The following KLHL21 variants were observed in gnomAD, a reference collection of about 807,000 sequenced individuals.
The protein encoded by KLHL21 is kelch-like protein 21.
Under a neutral mutation model 44.1 loss-of-function variants are expected in KLHL21, and 42 were observed. That is an observed-to-expected ratio of 0.95 (90% CI 0.74 to 1.23). KLHL21 has a LOEUF of 1.23. KLHL21 is among the 50% of genes most tolerant of loss of function. KLHL21 has a pLI of 0.00. For missense variants in KLHL21, 918 were observed against 889.1 expected (o/e 1.03, Z -0.41); for synonymous variants, 524 against 411.6 (o/e 1.27, Z -3.31).
intron 3 of KLHL21, chr1:6,593,934 C>T (rs980641854): frequency 2.3e-5 from 29 of 1,237,120 alleles, no homozygotes; most frequent in Admixed American, 7.5e-5. Flanking sequence ...GCGCTTCCTA[C>T]GTTCTCTCTC....
At chr1:6,596,945 G>A (rs574639475) in intron 2 of KLHL21, among the ~76,000 whole-genome samples, 2 of 152,352 alleles carry the variant, frequency 1.3e-5, no homozygotes, top group South Asian at 2.1e-4. Flanking sequence ...GTGGTGTTCT[G>A]GGCAGAGGGT....
intron 2 of KLHL21, among the ~76,000 whole-genome samples, chr1:6,597,936 G>A (rs562914425): frequency 1.3e-5 from 2 of 152,328 alleles, no homozygotes; most frequent in Admixed American, 6.5e-5. Flanking sequence ...CCAGCCGGAG[G>A]CAGCATTTGG....
intron 2 of KLHL21, among the ~76,000 whole-genome samples, chr1:6,597,975 C>A (rs1183045011): frequency 6.6e-6 from 1 of 152,262 alleles, no homozygotes; most frequent in East Asian, 1.9e-4. Flanking sequence ...TCAAGGCCAG[C>A]AGACATATGA....
chr1:6,593,963 C>T lies in KLHL21; in HGVS notation c.1501-305G>A, dbSNP rs1036995152. 17 of 1,184,070 alleles carry T rather than the reference C, an allele frequency of 1.4e-5. No homozygotes were observed. In the African/African-American group the frequency reaches 2.2e-4, roughly 15 times the overall value. The allele number at this position is 1,184,070 out of a possible 1,614,324, so 73.3% of individuals were successfully genotyped here. A position where few individuals can be genotyped will look rare whatever the true frequency, so the allele number is the denominator to read the frequency against. On this transcript the variant is annotated intron_variant, in intron 3 of 3. Transcript: ENST00000377658. ...CTCTCTCAGAATCTCTGCAGTGGCC[C>T]TCTGGGCTGAGCAGTGCTGTTCTCC...
rs1423422548 is a variant in KLHL21, at chr1:6,601,849, G to C, written c.969C>G (p.His323Gln). The part of the protein sequence containing the change: ...QWRYLAEFPD[H>Q]LGGGYSIVAL... Reference sequence around the variant, plus strand: ...CCACGATGCTGTAGCCTCCGCCCAGGTGGTCTGGGAACTCGGCCAGGTAGC... The same window carrying C: ...CCACGATGCTGTAGCCTCCGCCCAGCTGGTCTGGGAACTCGGCCAGGTAGC... The change falls in exon 1 of 4, where the codon CAC (histidine) becomes CAG (glutamine). Residue 323 changes from histidine (H) to glutamine (Q), a missense_variant. By Grantham distance (24) the His-to-Gln change is conservative. Transcript: ENST00000377658. The C allele has an allele frequency of 3.2e-6, 5 of 1,583,402 alleles. No homozygotes were observed. The highest frequency in any genetic ancestry group is 4.3e-6 in the Non-Finnish European group (5 of 1,165,788).
rs1007521262 is a variant in KLHL21 at position 6,590,865 on chromosome 1, A to G, written c.*2500T>C. On this transcript the variant is annotated 3_prime_UTR_variant, in exon 4 of 4. Transcript: ENST00000377658. ...CCTCTGGGGTGAACTGGATGTGGAC[A>G]CTGGAGGGAGGGCGTCCTTTATTAC... 3.8e-5 allele frequency: 15 copies of G among 398,462 alleles called. No individual in the cohort carries two copies. Among genetic ancestry groups the G allele is most frequent in the African/African-American group, 2.5e-4 (12 of 48,644 alleles). The allele number at this position is 398,462 out of a possible 1,614,324, so 24.7% of individuals were successfully genotyped here. A position where few individuals can be genotyped will look rare whatever the true frequency, so the allele number is the denominator to read the frequency against.
intron 2 of KLHL21, among the ~76,000 whole-genome samples, chr1:6,596,867 T>C (rs1440527233): frequency 1.3e-5 from 2 of 152,194 alleles, no homozygotes; most frequent in African/African-American, 2.4e-5. Flanking sequence ...GTGGGTCACA[T>C]GGACAACGGC....
In KLHL21 at chr1:6,592,996, C is replaced by T. The variant is rs185426059; in HGVS notation, c.*369G>A. On this transcript the variant is annotated 3_prime_UTR_variant, in exon 4 of 4. Transcript: ENST00000377658. Reference sequence around the variant, plus strand: ...TGGGAGGACCCCTTCTCCCTTCACGCGTCCCTCCCAAGTCATCGTCCTCTC... The same window carrying T: ...TGGGAGGACCCCTTCTCCCTTCACGTGTCCCTCCCAAGTCATCGTCCTCTC... The T allele has an allele frequency of 4.6e-4, 102 of 222,628 alleles. No homozygotes were observed. The East Asian group carries it at 7.3e-3, about 16-fold the overall frequency. 13.8% of individuals were successfully genotyped at this position (222,628 alleles called of 1,614,324 possible).
At position 6,595,499 on chromosome 1, in the gene KLHL21, G is replaced by A; in HGVS notation, c.1486C>T (p.Pro496Ser). 1 of 1,614,150 alleles carries A rather than the reference G, an allele frequency of 6.2e-7. No homozygotes were observed. Among genetic ancestry groups the A allele is most frequent in the Non-Finnish European group, 8.5e-7 (1 of 1,180,014 alleles). Residue 496 changes from proline (P) to serine (S), a missense_variant, in exon 3 of 4, where the codon CCG becomes TCG. Physicochemically the swap from Pro to Ser is moderately conservative, Grantham distance 74 (BLOSUM62 -1). Transcript: ENST00000377658. ...NPTRNEWDKI[P>S]SMNQVHVGGS... ...TGAAAATTTACCTGATTCATGGACGGGATCTTGTCCCATTCGTTCCTCGTC... is the reference window on the plus strand; with the variant it reads ...TGAAAATTTACCTGATTCATGGACGAGATCTTGTCCCATTCGTTCCTCGTC...
At chr1:6,599,801 CAG>C in intron 1 of KLHL21, 2 of 256,310 alleles carry the variant, frequency 7.8e-6, no homozygotes, top group Admixed American at 5.0e-5. Flanking sequence ...TGGGGAGCCA[CAG>C]AGCTTGTCAG....
At position 6,602,622 on chromosome 1, in the gene KLHL21, C is replaced by T; in HGVS notation, c.196G>A (p.Ala66Thr). The T allele has an allele frequency of 2.0e-6, 3 of 1,519,656 alleles. No individual in the cohort carries two copies. The highest frequency in any genetic ancestry group is 2.6e-6 in the Non-Finnish European group (3 of 1,139,582). 94.1% of individuals were successfully genotyped at this position (1,519,656 alleles called of 1,614,324 possible). A position where few individuals can be genotyped will look rare whatever the true frequency, so the allele number is the denominator to read the frequency against. Residue 66 changes from alanine (A) to threonine (T), a missense_variant, in exon 1 of 4, where the codon GCG (alanine) becomes ACG (threonine). Ala to Thr is a moderately conservative substitution (Grantham distance 58). Transcript: ENST00000377658. ...AASPYFRAMF[A>T]GQLRESRAER... ...GCGCGGCTCTCGCGCAGCTGCCCCG[C>T]GAACATGGCGCGGAAGTAGGGGCTG...
Position 6,593,385 on chromosome 1 carries a change from C to T in KLHL21, c.1774G>A (p.Asp592Asn). Reference sequence around the variant, plus strand: ...TGGGGCTAGTGCAGCTCATCGGGGTCCCGCGGCGGCCGGGGTCGGCCTGGG... The same window carrying T: ...TGGGGCTAGTGCAGCTCATCGGGGTTCCGCGGCGGCCGGGGTCGGCCTGGG... The part of the protein sequence containing the change: ...MDPGRPRPPR[D>N]PDELH The change falls in exon 4 of 4, where the codon GAC becomes AAC. Residue 592 changes from aspartate to asparagine, a missense_variant. Coordinates refer to ENST00000377658, the MANE Select transcript of KLHL21 (RefSeq NM_014851.4). 1 of 1,600,646 alleles carries T rather than the reference C, an allele frequency of 6.2e-7. No homozygotes were observed. Among genetic ancestry groups the T allele is most frequent in the Non-Finnish European group, 8.5e-7 (1 of 1,173,960 alleles).
At position 6,602,803 on chromosome 1, in the gene KLHL21, C is replaced by T; in HGVS notation, c.15G>A (p.Ala5=). 1.4e-6 allele frequency: 2 copies of T among 1,458,988 alleles called. No homozygotes were observed. Among genetic ancestry groups the T allele is most frequent in the Non-Finnish European group, 1.8e-6 (2 of 1,115,844 alleles). The allele number at this position is 1,458,988 out of a possible 1,614,324, so 90.4% of individuals were successfully genotyped here. A position where few individuals can be genotyped will look rare whatever the true frequency, so the allele number is the denominator to read the frequency against. The change falls in exon 1 of 4, where the codon GCG becomes GCA. Residue 5 remains alanine, a synonymous_variant. Transcript: ENST00000377658. ...CCGAGAAGGGAAGCACGGCCAGGGGCGCCGGTCGCTCCATGGCGCCTTCGA... is the reference window on the plus strand; with the variant it reads ...CCGAGAAGGGAAGCACGGCCAGGGGTGCCGGTCGCTCCATGGCGCCTTCGA... The part of the protein sequence containing the change: MERP[A]PLAVLPFSDP...
chr1:6,593,491 G>A lies in KLHL21; in HGVS notation c.1668C>T (p.Val556=). The A allele has an allele frequency of 6.2e-7, 1 of 1,613,844 alleles. No homozygotes were observed. The highest frequency in any genetic ancestry group is 8.5e-7 in the Non-Finnish European group (1 of 1,180,022). Reference sequence around the variant, plus strand: ...GGGGCATGAACTGGCGGAAGATGCTGACACTGCCATGCCAGAAGGTGGGTT... The same window carrying A: ...GGGGCATGAACTGGCGGAAGATGCTAACACTGCCATGCCAGAAGGTGGGTT... ...LPEPTFWHGS[V]SIFRQFMPQT... Residue 556 remains valine, a synonymous_variant, in exon 4 of 4, where the codon GTC becomes GTT. Coordinates refer to ENST00000377658, the MANE Select transcript of KLHL21 (RefSeq NM_014851.4).
At position 6,592,084 on chromosome 1, in the gene KLHL21, T is replaced by G. The variant is rs1157662884; in HGVS notation, c.*1281A>C. The G allele has an allele frequency of 6.6e-6, 1 of 152,322 alleles. No individual in the cohort carries two copies. Among genetic ancestry groups the G allele is most frequent in the Non-Finnish European group, 1.5e-5 (1 of 68,120 alleles). 9.4% of individuals were successfully genotyped at this position (152,322 alleles called of 1,614,324 possible). A position where few individuals can be genotyped will look rare whatever the true frequency, so the allele number is the denominator to read the frequency against. On this transcript the variant is annotated 3_prime_UTR_variant, in exon 4 of 4. Coordinates refer to ENST00000377658, the MANE Select transcript of KLHL21 (RefSeq NM_014851.4). ...ACGAGGGAGAGGCCAGGCAGCCCTG[T>G]CAGGGGTCCTGGGACATATTAAGGC...
rs137992292 is a variant in KLHL21, at chr1:6,593,440, G to A, written c.1719C>T (p.Phe573=). ...TGTCATCGCTGCCACTGTCCAACTC[G>A]AAGCCACGCCCACCCGAGAAGGTCT... is the stretch of plus-strand genomic sequence containing the variant. ...MPQTFSGGRG[F]ELDSGSDDMD... Residue 573 remains phenylalanine, a synonymous_variant, in exon 4 of 4, where the codon TTC becomes TTT. Coordinates refer to ENST00000377658, the MANE Select transcript of KLHL21 (RefSeq NM_014851.4). The A allele has an allele frequency of 3.3e-5, 54 of 1,613,086 alleles. No homozygotes were observed. The African/African-American group carries it at 3.5e-4, about 10-fold the overall frequency.
chr1:6,594,020 A>G (rs1640891177), intron 3 of KLHL21: 1 of 1,053,182 alleles, frequency 9.5e-7, no homozygotes, highest in Non-Finnish European at 1.1e-6. Context: ...TGAGGCTTGC[A>G]TGGCTGACAG....
intron 1 of KLHL21, 76 bp downstream of exon 1, chr1:6,601,721 T>TC: frequency 6.8e-7 from 1 of 1,465,130 alleles, no homozygotes; most frequent in Non-Finnish European, 9.1e-7. Context: ...TCTGTGCGCT[T>TC]CCCCCGCGAA....
At chr1:6,594,156 A>G in intron 3 of KLHL21, 2 of 842,828 alleles carry the variant, frequency 2.4e-6, no homozygotes, top group Non-Finnish European at 2.9e-6. Flanking sequence ...CCAGGACATT[A>G]AGCTGTGATG....
Sources: allele counts gnomAD v4.1 joint callset (sites outside exome capture counted in the v4.1 genomes callset), GRCh38; gene constraint gnomAD v4.1.1; transcripts MANE v1.5; gene names NCBI Gene and HGNC (gene_info 2026-07-23, HGNC 2026-07-21).